Variants in TULP4 observed in about 807,000 individuals in gnomAD.
TULP4 encodes the protein TUB like protein 4.
TULP4 carries 16 observed loss-of-function variants against 129.0 expected under a neutral mutation model. The ratio of observed to expected loss-of-function variants is 0.12; its 90% CI spans 0.08 to 0.19. The LOEUF is 0.19. TULP4 is among the 10% of genes least tolerant of loss of function. The probability of loss-of-function intolerance (pLI) is 1.00; values close to 1 mark genes in which losing one functional copy is unlikely to be tolerated. For missense variants in TULP4, 1,842 were observed against 2,059.1 expected, an observed-to-expected ratio of 0.89 and a Z score of 2.04; for synonymous variants, 998 against 854.0, an observed-to-expected ratio of 1.17 and a Z score of -2.94.
intron 1 of TULP4, among the ~76,000 whole-genome samples, chr6:158,396,481 C>A (rs1166533839): frequency 2.0e-5 from 3 of 152,078 alleles, no homozygotes; most frequent in Non-Finnish European, 4.4e-5. Context: ...AGGTGCAGTA[C>A]TTTAAGAAGG....
intron 1 of TULP4, among the ~76,000 whole-genome samples, chr6:158,321,724 A>G (rs1013487275): frequency 2.6e-5 from 4 of 152,050 alleles, no homozygotes; most frequent in Non-Finnish European, 4.4e-5. Context: ...TGCTCACTTC[A>G]CCACCATGCC....
intron 1 of TULP4, among the ~76,000 whole-genome samples, chr6:158,235,522 GTTGT>G (rs1420260609): frequency 6.6e-6 from 1 of 152,126 alleles, no homozygotes; most frequent in African/African-American, 2.4e-5. Context: ...TGTTCTTGCT[GTTGT>G]TTCTAGAGAC....
At chr6:158,283,598 T>C (rs924924441) in intron 1 of TULP4, among the ~76,000 whole-genome samples, 3 of 152,250 alleles carry the variant, frequency 2.0e-5, no homozygotes, top group African/African-American at 7.2e-5. Context: ...GAATTATATA[T>C]GCAAGTGATA....
chr6:158,381,733 A>G (rs1313354003), intron 1 of TULP4, among the ~76,000 whole-genome samples: 2 of 152,192 alleles, frequency 1.3e-5, no homozygotes, highest in East Asian at 3.8e-4. Context: ...AAGAAGACCA[A>G]TTCAGGTGTA....
At chr6:158,368,185 A>G (rs1776981970) in intron 1 of TULP4, among the ~76,000 whole-genome samples, 1 of 152,082 alleles carries the variant, frequency 6.6e-6, no homozygotes, top group Non-Finnish European at 1.5e-5. Context: ...TTGTCTGTAA[A>G]AGATTATCAT....
At chr6:158,395,719 TC>T (rs1377573603) in intron 1 of TULP4, among the ~76,000 whole-genome samples, 1 of 150,104 alleles carries the variant, frequency 6.7e-6, no homozygotes, top group Non-Finnish European at 1.5e-5. Context: ...GGTCACTGTT[TC>T]TGTTGTGGAA....
intron 1 of TULP4, among the ~76,000 whole-genome samples, chr6:158,260,591 A>AAAG: frequency 6.6e-6 from 1 of 150,606 alleles, no homozygotes; most frequent in Non-Finnish European, 1.5e-5. Context: ...AAAAAAAAAA[A>AAAG]TGTTCATTAG....
At position 158,429,139 on chromosome 6, in the gene TULP4, C is replaced by G. The variant is rs138162712; in HGVS notation, c.382-597C>G. 1.5e-3 allele frequency among the ~76,000 whole-genome samples: 229 copies of G among 152,234 alleles called. 1 individual carries two copies. The highest frequency in any genetic ancestry group is 4.8e-3 in the African/African-American group (199 of 41,572). On this transcript the variant is annotated intron_variant, in intron 2 of 13. Transcript: ENST00000367097. ...CTAAGACCACAGGTGTCTGCCACTG[C>G]TCCCGACTAATTATTTTGAGACAGA...
At chr6:158,325,692 T>G (rs187321408) in intron 1 of TULP4, among the ~76,000 whole-genome samples, 30 of 152,274 alleles carry the variant, frequency 2.0e-4, no homozygotes, top group African/African-American at 6.5e-4. Context: ...AATTCTTATT[T>G]TGAATAAGGA....
intron 1 of TULP4, among the ~76,000 whole-genome samples, chr6:158,239,932 G>C (rs1226160835): frequency 9.8e-4 from 45 of 46,028 alleles, no homozygotes; most frequent in Admixed American, 1.4e-3. Context: ...GCGGCTGGCC[G>C]GGCAGGGGGG....
At chr6:158,358,558 A>C (rs1482304821) in intron 1 of TULP4, among the ~76,000 whole-genome samples, 1 of 152,200 alleles carries the variant, frequency 6.6e-6, no homozygotes, top group Non-Finnish European at 1.5e-5. Flanking sequence ...ATAATAAATG[A>C]ATTTGTTAGT....
chr6:158,264,193 C>G (rs1010559149), intron 1 of TULP4, among the ~76,000 whole-genome samples: 3 of 152,190 alleles, frequency 2.0e-5, no homozygotes, highest in Non-Finnish European at 4.4e-5. Flanking sequence ...AGAGGAAGTG[C>G]GGCCTTAACA....
intron 1 of TULP4, among the ~76,000 whole-genome samples, chr6:158,327,743 T>G (rs748293716): frequency 3.9e-5 from 6 of 152,092 alleles, no homozygotes; most frequent in Non-Finnish European, 8.8e-5. Context: ...TGAGTGTGTA[T>G]AGGGGTGGTT....
chr6:158,313,772 T>G lies in TULP4; in HGVS notation c.-245T>G. The G allele has an allele frequency of 1.9e-6, 1 of 519,268 alleles. No homozygotes were observed. The highest frequency in any genetic ancestry group is 3.5e-5 in the South Asian group (1 of 28,816). The allele number at this position is 519,268 out of a possible 1,614,324, so 32.2% of individuals were successfully genotyped here. A position where few individuals can be genotyped will look rare whatever the true frequency, so the allele number is the denominator to read the frequency against. On this transcript the variant is annotated 5_prime_UTR_variant, in exon 1 of 14. Coordinates refer to ENST00000367097, the MANE Select transcript of TULP4 (RefSeq NM_020245.5). The stretch of plus-strand genomic sequence containing the variant: ...CTTGAAAATACAAATGGACCCCATG[T>G]TTTTTTAAGCATTACCTTTTCTTAG...
intron 1 of TULP4, among the ~76,000 whole-genome samples, chr6:158,298,840 G>A (rs1437060746): frequency 6.6e-6 from 1 of 152,180 alleles, no homozygotes; most frequent in Non-Finnish European, 1.5e-5. Context: ...GCGCCACAAA[G>A]AAGCAATCCT....
intron 8 of TULP4, among the ~76,000 whole-genome samples, chr6:158,482,721 G>A (rs1380113398): frequency 6.6e-6 from 1 of 152,108 alleles, no homozygotes; most frequent in Non-Finnish European, 1.5e-5. Context: ...TACCTCTAAG[G>A]TTACTCCCCT....
At chr6:158,505,476 G>T (rs1287961450) in intron 13 of TULP4, among the ~76,000 whole-genome samples, 1 of 152,210 alleles carries the variant, frequency 6.6e-6, no homozygotes, top group Non-Finnish European at 1.5e-5. Flanking sequence ...AGGAGTTGTG[G>T]TAAAAACCGT....
intron 1 of TULP4, chr6:158,242,177 T>C (rs1777934052): frequency 2.5e-6 from 3 of 1,217,236 alleles, no homozygotes; most frequent in Admixed American, 1.7e-5. Context: ...TCTTCCTCAG[T>C]CTCATCAGTG....
intron 1 of TULP4, among the ~76,000 whole-genome samples, chr6:158,345,531 C>T (rs1780282511): frequency 6.6e-6 from 1 of 152,134 alleles, no homozygotes; most frequent in Non-Finnish European, 1.5e-5. Flanking sequence ...ATCGGTAGGA[C>T]CGTGATGCCC....
Sources: allele counts gnomAD v4.1 joint callset (sites outside exome capture counted in the v4.1 genomes callset), GRCh38; gene constraint gnomAD v4.1.1; transcripts MANE v1.5; gene names NCBI Gene and HGNC (gene_info 2026-07-23, HGNC 2026-07-21).